The following KCNK9 variants were observed in gnomAD, a reference collection of about 807,000 sequenced individuals.
KCNK9 encodes potassium channel subfamily K member 9.
KCNK9 carries 1 observed loss-of-function variant against 10.8 expected under a neutral mutation model. That is an observed-to-expected ratio of 0.09 (90% CI 0.03 to 0.44). KCNK9 has a LOEUF of 0.44. Ranked by LOEUF, KCNK9 falls within the 20% of genes least tolerant of loss-of-function variation. The pLI is 0.97. For missense variants in KCNK9, 303 were observed against 515.0 expected (o/e 0.59, Z 3.98); for synonymous variants, 231 against 222.7 (o/e 1.04, Z -0.33).
At chr8:139,623,178 G>A (rs1447948493) in intron 1 of KCNK9, among the ~76,000 whole-genome samples, 1 of 152,150 alleles carries the variant, frequency 6.6e-6, no homozygotes, top group Non-Finnish European at 1.5e-5. Context: ...GACACAAGAT[G>A]GCCTCTAAGC....
chr8:139,650,073 T>C (rs1815814167), intron 1 of KCNK9, among the ~76,000 whole-genome samples: 2 of 152,152 alleles, frequency 1.3e-5, no homozygotes, highest in African/African-American at 4.8e-5. Context: ...CTCCCAGGAA[T>C]GCCAGCCAAG....
At chr8:139,643,969 G>A (rs780807268) in intron 1 of KCNK9, among the ~76,000 whole-genome samples, 3 of 152,166 alleles carry the variant, frequency 2.0e-5, no homozygotes, top group South Asian at 2.1e-4. Context: ...GCCTAGATCC[G>A]GGCCCCATGA....
chr8:139,624,831 C>T (rs558987142), intron 1 of KCNK9, among the ~76,000 whole-genome samples: 3 of 152,302 alleles, frequency 2.0e-5, no homozygotes, highest in South Asian at 2.1e-4. Flanking sequence ...AGGCCGGTGA[C>T]GGGGTTCCTG....
At position 139,618,878 on chromosome 8, in the gene KCNK9, C is replaced by T; in HGVS notation, c.505G>A (p.Gly169Arg). The T allele has an allele frequency of 6.2e-7, 1 of 1,614,190 alleles. No individual in the cohort carries two copies. The highest frequency in any genetic ancestry group is 1.1e-5 in the South Asian group (1 of 91,080). Reference sequence around the variant, plus strand: ...GCGGCCGCCCCGATGCACAGCGTCCCCATGCAGGAGAAGAAGCCCACAGTC... The same window carrying T: ...GCGGCCGCCCCGATGCACAGCGTCCTCATGCAGGAGAAGAAGCCCACAGTC... The part of the protein sequence containing the change: ...MVTVGFFSCM[G>R]TLCIGAAAFS... Residue 169 changes from glycine (G) to arginine (R), a missense_variant, in exon 2 of 2, where the codon GGG (glycine) becomes AGG (arginine). By Grantham distance (125) the Gly-to-Arg change is moderately radical (BLOSUM62 -2). Transcript: ENST00000520439. The surrounding 1 kb of genome is among the most constrained non-coding windows in gnomAD (Gnocchi z 7.9).
chr8:139,647,082 G>A (rs1275681844), intron 1 of KCNK9, among the ~76,000 whole-genome samples: 1 of 152,254 alleles, frequency 6.6e-6, no homozygotes, highest in East Asian at 1.9e-4. Flanking sequence ...GGCGGCAGGG[G>A]GCTCTGCAGG....
chr8:139,637,781 A>ACACACACACACACACACACACACG (rs1815383807), intron 1 of KCNK9, among the ~76,000 whole-genome samples: 1 of 151,948 alleles, frequency 6.6e-6, no homozygotes, highest in South Asian at 2.1e-4. Flanking sequence ...ACACACACAC[A>ACACACACACACACACACACACACG]CACAATAATA....
intron 1 of KCNK9, among the ~76,000 whole-genome samples, chr8:139,680,433 A>T (rs1816664280): frequency 6.6e-6 from 1 of 152,140 alleles, no homozygotes; most frequent in Non-Finnish European, 1.5e-5. Flanking sequence ...ATACCTCCGG[A>T]GGGGCTATGA....
In KCNK9 at chr8:139,626,198, T is replaced by A. The variant is rs547418905; in HGVS notation, c.284-7099A>T. On this transcript the variant is annotated intron_variant, in intron 1 of 1. Transcript: ENST00000520439. The stretch of plus-strand genomic sequence containing the variant: ...CACTCCAGCGCTCAAGAGCTGTCTG[T>A]GGCTCCCCATGTCCCCCCTGGCAAT... 2.0e-5 allele frequency among the ~76,000 whole-genome samples: 3 copies of A among 152,332 alleles called. No homozygotes were observed. The East Asian group carries it at 5.8e-4, about 29-fold the overall frequency.
At chr8:139,602,307 G>C (rs140335928) in intron 2 of KCNK9, among the ~76,000 whole-genome samples, 4 of 152,350 alleles carry the variant, frequency 2.6e-5, no homozygotes, top group South Asian at 2.1e-4. Context: ...TGCCACCAGT[G>C]TTCCGGGGAA....
rs538084487 is a variant in KCNK9, at chr8:139,693,980, C to A, written c.283+8730G>T. ...TATTCCAGTCCATAGCAATCCAACACAGAGACACCTTGAATGCAGCCTGTG... is the reference window on the plus strand; with the variant it reads ...TATTCCAGTCCATAGCAATCCAACAAAGAGACACCTTGAATGCAGCCTGTG... On this transcript the variant is annotated intron_variant, in intron 1 of 1. Coordinates refer to ENST00000520439, the MANE Select transcript of KCNK9 (RefSeq NM_001282534.2). The surrounding 1 kb of genome is among the most constrained non-coding windows in gnomAD (Gnocchi z 4.1). Among the ~76,000 whole-genome samples the A allele has an allele frequency of 8.7e-4, 133 of 152,296 alleles. 2 individuals are homozygous for A. The highest frequency in any genetic ancestry group is 3.2e-3 in the African/African-American group (132 of 41,568).
Position 139,702,681 on chromosome 8 carries a change from G to T in KCNK9, c.283+29C>A. On this transcript the variant is annotated intron_variant, in intron 1 of 1. Coordinates refer to ENST00000520439, the MANE Select transcript of KCNK9 (RefSeq NM_001282534.2). This position sits in a 1 kb window ranked among gnomAD's most constrained non-coding sequence, Gnocchi z 7.5. ...CCTCCCCGGACTCCTCCCGGGGCGC[G>T]GGAGCCCAGCGGCGCGCCCAGCCCT... The T allele has an allele frequency of 6.3e-7, 1 of 1,587,850 alleles. No individual in the cohort carries two copies. The highest frequency in any genetic ancestry group is 8.5e-7 in the Non-Finnish European group (1 of 1,171,758).
chr8:139,646,484 A>G (rs1441065193), intron 1 of KCNK9, among the ~76,000 whole-genome samples: 1 of 152,278 alleles, frequency 6.6e-6, no homozygotes, highest in Non-Finnish European at 1.5e-5. Context: ...GGCAAGCCCC[A>G]GGGCTCTATC....
intron 1 of KCNK9, among the ~76,000 whole-genome samples, chr8:139,620,441 G>A (rs969203515): frequency 6.6e-6 from 1 of 152,016 alleles, no homozygotes; most frequent in Admixed American, 6.6e-5. Context: ...GTATGGATCC[G>A]CCGAGATCAG....
At chr8:139,660,016 G>A (rs1300461942) in intron 1 of KCNK9, among the ~76,000 whole-genome samples, 1 of 152,148 alleles carries the variant, frequency 6.6e-6, no homozygotes, top group Non-Finnish European at 1.5e-5. Flanking sequence ...AGAGTGGGGT[G>A]GGAGTCTTAA....
intron 1 of KCNK9, among the ~76,000 whole-genome samples, chr8:139,675,506 C>T (rs1377591979): frequency 6.6e-6 from 1 of 152,180 alleles, no homozygotes; most frequent in South Asian, 2.1e-4. Context: ...CTTTCTCCAC[C>T]ACATGAGGAC....
At chr8:139,638,391 A>T (rs977177287) in intron 1 of KCNK9, among the ~76,000 whole-genome samples, 16 of 152,212 alleles carry the variant, frequency 1.1e-4, no homozygotes, top group Non-Finnish European at 1.5e-5. Context: ...TGCCAAATAC[A>T]GGTGACTATA....
intron 1 of KCNK9, among the ~76,000 whole-genome samples, chr8:139,647,943 G>T (rs1413170293): frequency 6.6e-6 from 1 of 152,204 alleles, no homozygotes; most frequent in African/African-American, 2.4e-5. Context: ...CTAGGAATAT[G>T]CCCAAAGAAA....
chr8:139,624,255 C>G (rs1216817021), intron 1 of KCNK9, among the ~76,000 whole-genome samples: 2 of 152,328 alleles, frequency 1.3e-5, no homozygotes, highest in South Asian at 4.1e-4. Context: ...GATGGTCACA[C>G]GGAGTCAGGC....
At chr8:139,609,850 C>T (rs1012350964), downstream of KCNK9, among the ~76,000 whole-genome samples, 2 of 152,068 alleles carry the variant, frequency 1.3e-5, no homozygotes, top group African/African-American at 2.4e-5. Flanking sequence ...CCCACACTGG[C>T]GTCCTGTCCA....
Sources: gnomAD v4.1 joint callset for allele counts (sites outside exome capture counted in the v4.1 genomes callset) on GRCh38, gnomAD v4.1.1 for gene constraint, Gnocchi (gnomAD v3.1) non-coding constraint, MANE v1.5 for transcripts, NCBI Gene and HGNC (gene_info 2026-07-23, HGNC 2026-07-21) for gene names.